PRELID2: variants seen among roughly 807,000 people sequenced by gnomAD.
PRELID2 encodes the protein PRELI domain-containing protein 2.
In PRELID2, 25 loss-of-function variants were observed where a neutral mutation model predicts 28.4. The ratio of observed to expected loss-of-function variants is 0.88; its 90% confidence interval spans 0.64 to 1.23. The LOEUF (loss-of-function observed/expected upper bound fraction) is 1.23. PRELID2 is among the 50% of genes most tolerant of loss of function. The probability of loss-of-function intolerance (pLI) is 0.00; values close to 1 mark genes in which losing one functional copy is unlikely to be tolerated. For missense variants in PRELID2, 201 were observed against 214.4 expected (o/e 0.94, Z 0.39); for synonymous variants, 76 against 71.6 (o/e 1.06, Z -0.31).
At chr5:145,378,465 C>T in the PRELID2 span, among the ~76,000 whole-genome samples, 2 of 152,130 alleles carry the variant, frequency 1.3e-5, no homozygotes, top group Non-Finnish European at 2.9e-5. Flanking sequence ...CCACATTTCT[C>T]AGAGGTTTTG....
chr5:145,538,154 G>A (rs1385950357), intron 1 of PRELID2, among the ~76,000 whole-genome samples: 1 of 151,860 alleles, frequency 6.6e-6, no homozygotes, highest in East Asian at 1.9e-4. Flanking sequence ...ATATAAGTGA[G>A]TGAATTTATT....
the PRELID2 span, among the ~76,000 whole-genome samples, chr5:145,389,930 G>A: frequency 6.6e-6 from 1 of 152,196 alleles, no homozygotes; most frequent in African/African-American, 2.4e-5. Flanking sequence ...TAGTAATTGT[G>A]TGGGAAGAAG....
chr5:145,505,335 G>A (rs1047112234), intron 1 of PRELID2, among the ~76,000 whole-genome samples: 3 of 152,048 alleles, frequency 2.0e-5, no homozygotes, highest in Non-Finnish European at 4.4e-5. Flanking sequence ...GAGTAGCTAT[G>A]GCCTTGTGAC....
chr5:145,813,522 C>T (rs1347530257), intron 4 of PRELID2, among the ~76,000 whole-genome samples: 1 of 152,174 alleles, frequency 6.6e-6, no homozygotes, highest in Non-Finnish European at 1.5e-5. Context: ...ACAAGATAAA[C>T]CCATCCTTTG....
intron 1 of PRELID2, among the ~76,000 whole-genome samples, chr5:145,725,100 A>G (rs1284788354): frequency 6.6e-6 from 1 of 152,138 alleles, no homozygotes; most frequent in Non-Finnish European, 1.5e-5. Context: ...AAAGTAAAGT[A>G]CTTGAAATGT....
chr5:145,369,845 T>A, the PRELID2 span, among the ~76,000 whole-genome samples: 1 of 152,142 alleles, frequency 6.6e-6, no homozygotes, highest in Admixed American at 6.6e-5. Context: ...CTTATTGTGG[T>A]TTTGATTTGC....
At chr5:145,804,560 G>A (rs1285744619) in intron 4 of PRELID2, among the ~76,000 whole-genome samples, 2 of 152,082 alleles carry the variant, frequency 1.3e-5, no homozygotes, top group Non-Finnish European at 2.9e-5. Context: ...TATTTTCATA[G>A]CCTATTGTGG....
At chr5:145,305,153 G>A in the PRELID2 span, among the ~76,000 whole-genome samples, 1 of 152,162 alleles carries the variant, frequency 6.6e-6, no homozygotes, top group Admixed American at 6.5e-5. Context: ...AGGATAGAGA[G>A]AATAGGATAG....
intron 5 of PRELID2, among the ~76,000 whole-genome samples, chr5:145,793,215 C>T (rs1056857307): frequency 1.3e-5 from 2 of 152,132 alleles, no homozygotes; most frequent in African/African-American, 2.4e-5. Context: ...CCCAGAGGCA[C>T]AGAATACGTA....
chr5:145,275,439 G>A, the PRELID2 span, among the ~76,000 whole-genome samples: 1 of 152,216 alleles, frequency 6.6e-6, no homozygotes, highest in African/African-American at 2.4e-5. Flanking sequence ...CCGGAAGAGG[G>A]TGTAGGCATG....
the PRELID2 span, among the ~76,000 whole-genome samples, chr5:145,389,697 G>A: frequency 1.3e-5 from 2 of 151,918 alleles, no homozygotes; most frequent in African/African-American, 4.8e-5. Context: ...TACAAATTTG[G>A]AAGGAAAAAA....
At chr5:145,526,398 A>G (rs1435233542) in intron 1 of PRELID2, among the ~76,000 whole-genome samples, 1 of 152,206 alleles carries the variant, frequency 6.6e-6, no homozygotes, top group Non-Finnish European at 1.5e-5. Context: ...AGGAGGTGTC[A>G]TCGGGGTCTG....
intron 1 of PRELID2, among the ~76,000 whole-genome samples, chr5:145,657,386 A>G (rs1754415718): frequency 6.6e-6 from 1 of 152,218 alleles, no homozygotes; most frequent in Non-Finnish European, 1.5e-5. Flanking sequence ...CTCATCAAGG[A>G]TACATTAGCT....
chr5:145,661,883 C>A (rs1440455575), intron 1 of PRELID2, among the ~76,000 whole-genome samples: 1 of 151,920 alleles, frequency 6.6e-6, no homozygotes, highest in Non-Finnish European at 1.5e-5. Context: ...GAAAAGAGGG[C>A]CCTGCCCTGG....
chr5:145,810,409 T>A (rs1053663479), intron 4 of PRELID2, among the ~76,000 whole-genome samples: 2 of 152,148 alleles, frequency 1.3e-5, no homozygotes, highest in Admixed American at 6.5e-5. Flanking sequence ...TGTGAGCAGA[T>A]TCAGTCCATG....
Position 145,627,801 on chromosome 5 carries a change from C to T in PRELID2, n.70+137130G>A, listed in dbSNP as rs566130318. On this transcript the variant is annotated intron_variant and non_coding_transcript_variant, in intron 1 of 2. Coordinates refer to the PRELID2 transcript ENST00000510259. ...TCTGTATGATCATGGCCCCAGGCTACTTCACCAACTTAATCTTATAATATT... is the reference window on the plus strand; with the variant it reads ...TCTGTATGATCATGGCCCCAGGCTATTTCACCAACTTAATCTTATAATATT... Among the ~76,000 whole-genome samples, 360 of 152,322 alleles carry T rather than the reference C, an allele frequency of 2.4e-3. 10 individuals carry two copies. The highest frequency in any genetic ancestry group is 6.6e-4 in the Non-Finnish European group (45 of 68,030).
At chr5:145,524,040 CA>C (rs2126653527) in intron 1 of PRELID2, among the ~76,000 whole-genome samples, 1 of 151,810 alleles carries the variant, frequency 6.6e-6, no homozygotes, top group Non-Finnish European at 1.5e-5. Flanking sequence ...TTTTGTTTTT[CA>C]GGGGTCAAGG....
At chr5:145,714,944 A>C (rs1755802234) in intron 1 of PRELID2, among the ~76,000 whole-genome samples, 1 of 152,028 alleles carries the variant, frequency 6.6e-6, no homozygotes, top group African/African-American at 2.4e-5. Flanking sequence ...TTTTACCTAC[A>C]TACTCAATCT....
chr5:145,430,359 T>C, the PRELID2 span, among the ~76,000 whole-genome samples: 1 of 152,196 alleles, frequency 6.6e-6, no homozygotes, highest in African/African-American at 2.4e-5. Flanking sequence ...GATTTATTTC[T>C]TGCTCATGGT....
Sources: allele counts gnomAD v4.1 joint callset (sites outside exome capture counted in the v4.1 genomes callset), GRCh38; gene constraint gnomAD v4.1.1; transcripts MANE v1.5; gene names NCBI Gene and HGNC (gene_info 2026-07-23, HGNC 2026-07-21).